The following ABTB2 variants were observed in gnomAD, a reference collection of about 807,000 sequenced individuals.
ABTB2 encodes the protein ankyrin repeat and BTB/POZ domain-containing protein 2.
Under a neutral mutation model 104.1 loss-of-function variants are expected in ABTB2, and 56 were observed. The observed-to-expected ratio is 0.54, with a 90% CI of 0.43 to 0.67. The LOEUF (loss-of-function observed/expected upper bound fraction) is 0.67. Among genes scored for constraint, ABTB2 ranks in the 30% least tolerant of loss-of-function variants. The pLI, the probability that ABTB2 is intolerant of heterozygous loss-of-function variation, is 0.00. For synonymous variants in ABTB2, 606 were observed against 608.2 expected (o/e 1.00, Z 0.05); for missense variants, 1,279 against 1,407.7 (o/e 0.91, Z 1.46).
intron 7 of ABTB2, among the ~76,000 whole-genome samples, chr11:34,165,880 G>T (rs1251821001): frequency 6.6e-6 from 1 of 152,222 alleles, no homozygotes; most frequent in East Asian, 1.9e-4. Flanking sequence ...TGTCGGAGAG[G>T]TACAGCAGGT....
intron 1 of ABTB2, among the ~76,000 whole-genome samples, chr11:34,251,425 C>G (rs913539608): frequency 6.6e-6 from 1 of 152,162 alleles, no homozygotes; most frequent in Non-Finnish European, 1.5e-5. Context: ...ACACAGCTCC[C>G]GACACTGTCT....
intron 3 of ABTB2, among the ~76,000 whole-genome samples, chr11:34,191,968 A>G (rs1853181258): frequency 6.6e-6 from 1 of 152,148 alleles, no homozygotes; most frequent in Non-Finnish European, 1.5e-5. Context: ...ATAAGAACAG[A>G]TACTCAGTGT....
intron 1 of ABTB2, among the ~76,000 whole-genome samples, chr11:34,277,551 A>G (rs1854395607): frequency 6.6e-6 from 1 of 151,670 alleles, no homozygotes; most frequent in Admixed American, 6.6e-5. Context: ...TGGGAGGCCA[A>G]GGTGGGTGGA....
intron 1 of ABTB2, among the ~76,000 whole-genome samples, chr11:34,210,824 A>T (rs1002195658): frequency 1.3e-4 from 20 of 152,248 alleles, no homozygotes; most frequent in Non-Finnish European, 2.5e-4. Context: ...GTCTTCTGCC[A>T]GCCTTCTTAG....
chr11:34,345,362 C>T (rs1353058005), intron 1 of ABTB2, among the ~76,000 whole-genome samples: 1 of 152,176 alleles, frequency 6.6e-6, no homozygotes, highest in Admixed American at 6.5e-5. Flanking sequence ...GCCTCATTAT[C>T]CACAGGGCCT....
intron 1 of ABTB2, among the ~76,000 whole-genome samples, chr11:34,341,019 C>T (rs1020569008): frequency 6.6e-6 from 1 of 152,214 alleles, no homozygotes; most frequent in South Asian, 2.1e-4. Flanking sequence ...AAAGCCCCTT[C>T]CATCATCTTG....
At chr11:34,261,832 G>A (rs1854192356) in intron 1 of ABTB2, among the ~76,000 whole-genome samples, 1 of 152,146 alleles carries the variant, frequency 6.6e-6, no homozygotes, top group African/African-American at 2.4e-5. Context: ...GTATTCTTCT[G>A]GCTTTTAAAA....
intron 1 of ABTB2, among the ~76,000 whole-genome samples, chr11:34,284,535 G>T (rs1998278): frequency 0.78 from 118,096 of 151,976 alleles, 46,168 homozygotes; most frequent in South Asian, 0.91. Context: ...CTGCAAACAG[G>T]AATTATTGAC....
At chr11:34,239,038 C>A (rs920787041) in intron 1 of ABTB2, among the ~76,000 whole-genome samples, 2 of 152,224 alleles carry the variant, frequency 1.3e-5, no homozygotes, top group Non-Finnish European at 2.9e-5. Context: ...CAGGCATGAG[C>A]CACCACGCCC....
chr11:34,165,132 G>T, intron 8 of ABTB2, 128 bp downstream of exon 8: 1 of 894,360 alleles, frequency 1.1e-6, no homozygotes, highest in Non-Finnish European at 1.6e-6. Context: ...CCAGAGAAGG[G>T]GTTTTAAGGC....
At chr11:34,270,978 T>C (rs4755364) in intron 1 of ABTB2, among the ~76,000 whole-genome samples, 17,450 of 152,152 alleles carry the variant, frequency 0.11, 1,177 homozygotes, top group Admixed American at 0.21. Context: ...TGATTCTCTT[T>C]CCTGAAAACA....
In ABTB2 at chr11:34,165,327, C is replaced by G; in HGVS notation, c.1785G>C (p.Glu595Asp). ...QLLLDAGAHV[E>D]GSAVNGGEDS... ...CCTCGCCGCCGTTCACTGCCGAGCC[C>G]TCGACATGGGCACCAGCATCCAGCA... The change falls in exon 8 of 17, where the codon GAG becomes GAC. Residue 595 changes from glutamate to aspartate, a missense_variant. Transcript: ENST00000435224. 1 of 1,586,938 alleles carries G rather than the reference C, an allele frequency of 6.3e-7. No homozygotes were observed. Among genetic ancestry groups the G allele is most frequent in the Non-Finnish European group, 8.6e-7 (1 of 1,167,344 alleles).
intron 1 of ABTB2, among the ~76,000 whole-genome samples, chr11:34,224,215 A>G (rs926205375): frequency 6.6e-6 from 1 of 152,076 alleles, no homozygotes; most frequent in Non-Finnish European, 1.5e-5. Context: ...AGGTCTCACT[A>G]TATTGCCCTG....
At chr11:34,341,372 G>A (rs1855260668) in intron 1 of ABTB2, among the ~76,000 whole-genome samples, 1 of 152,108 alleles carries the variant, frequency 6.6e-6, no homozygotes, top group Admixed American at 6.5e-5. Flanking sequence ...TCTTGTTTCT[G>A]CAAACAGAGG....
At chr11:34,350,990 GTGT>G (rs1173776731) in intron 1 of ABTB2, among the ~76,000 whole-genome samples, 1 of 152,194 alleles carries the variant, frequency 6.6e-6, no homozygotes, top group Non-Finnish European at 1.5e-5. Context: ...TAAGCTTGAG[GTGT>G]TGTGGAAAAG....
At position 34,214,215 on chromosome 11, in the gene ABTB2, G is replaced by A. The variant is rs1211172436; in HGVS notation, c.884-9525C>T. 4.7e-5 allele frequency among the ~76,000 whole-genome samples: 7 copies of A among 149,088 alleles called. 1 individual carries two copies. The highest frequency in any genetic ancestry group is 7.4e-5 in the Non-Finnish European group (5 of 67,778). ...AATTAAGGATGGAGATGAAGCAGTCGTAGACTCAGTACCTTAAATATCAGC... is the reference window on the plus strand; with the variant it reads ...AATTAAGGATGGAGATGAAGCAGTCATAGACTCAGTACCTTAAATATCAGC... On this transcript the variant is annotated intron_variant, in intron 1 of 16. Transcript: ENST00000435224.
At chr11:34,185,363 A>G (rs1853083863) in intron 3 of ABTB2, among the ~76,000 whole-genome samples, 1 of 152,214 alleles carries the variant, frequency 6.6e-6, no homozygotes, top group Non-Finnish European at 1.5e-5. Context: ...AGCTCAGAGG[A>G]CAGGGCCTGA....
At chr11:34,172,389 A>ATATAT (rs1275665697) in intron 4 of ABTB2, among the ~76,000 whole-genome samples, 1 of 58,866 alleles carries the variant, frequency 1.7e-5, no homozygotes, top group Non-Finnish European at 3.6e-5. Flanking sequence ...AAAAAAAAAA[A>ATATAT]AAAAAAATAT....
At chr11:34,184,206 G>A (rs1419843622) in intron 3 of ABTB2, among the ~76,000 whole-genome samples, 28 of 152,130 alleles carry the variant, frequency 1.8e-4, no homozygotes, top group Admixed American at 1.8e-3. Flanking sequence ...AGAAGCTTGA[G>A]TTGGCTTGGG....
Sources: gnomAD v4.1 joint callset for allele counts (sites outside exome capture counted in the v4.1 genomes callset) on GRCh38, gnomAD v4.1.1 for gene constraint, MANE v1.5 for transcripts, NCBI Gene and HGNC (gene_info 2026-07-23, HGNC 2026-07-21) for gene names.